TENM1: variants seen among roughly 807,000 people sequenced by gnomAD.
The protein encoded by TENM1 is teneurin transmembrane protein 1, also known as teneurin-1.
TENM1 carries 35 observed loss-of-function variants against 174.8 expected under a neutral mutation model. That is an observed-to-expected ratio of 0.20 (90% CI 0.15 to 0.27). TENM1 has a LOEUF of 0.27. Among genes scored for constraint, TENM1 ranks in the 10% least tolerant of loss-of-function variants. The pLI is 1.00. For missense variants in TENM1, 1,633 were observed against 2,130.1 expected (o/e 0.77, Z 4.59); for synonymous variants, 781 against 798.7 (o/e 0.98, Z 0.37).
intron 3 of TENM1, among the ~76,000 whole-genome samples, chrX:124,891,085 C>G (rs2057467754): frequency 9.1e-6 from 1 of 110,360 alleles, no homozygotes; most frequent in African/African-American, 3.3e-5. Context: ...TTTGTGGGAA[C>G]TAAAAATCAA....
chrX:124,524,099 C>T (rs978383893), intron 16 of TENM1, among the ~76,000 whole-genome samples: 51 of 110,535 alleles, frequency 4.6e-4, no homozygotes, highest in African/African-American at 1.6e-3. Flanking sequence ...TGTTCTTGAA[C>T]TCCTGACCTT....
In TENM1 at chrX:124,716,157, C is replaced by A. The variant is rs150267752; in HGVS notation, c.777-10906G>T. Among the ~76,000 whole-genome samples the A allele has an allele frequency of 7.4e-3, 825 of 112,058 alleles. 6 individuals carry two copies. The highest frequency in any genetic ancestry group is 0.025 in the African/African-American group (765 of 30,834). ...ATGCCACTCAAATCAGTCCCTTAAT[C>A]TATCCAGCATAACATTTTTCTTCTC... On this transcript the variant is annotated intron_variant, in intron 4 of 31. Coordinates refer to ENST00000422452, the Ensembl canonical transcript of TENM1.
intron 4 of TENM1, among the ~76,000 whole-genome samples, chrX:124,713,254 C>T (rs1161835897): frequency 2.7e-5 from 3 of 110,701 alleles, no homozygotes; most frequent in South Asian, 3.8e-4. Context: ...TCGTTACTAT[C>T]GTGATTTGCA....
the TENM1 span, among the ~76,000 whole-genome samples, chrX:125,150,799 T>A: frequency 8.9e-6 from 1 of 112,685 alleles, no homozygotes; most frequent in Non-Finnish European, 1.9e-5. Context: ...CAATAGATTT[T>A]AACCAGACAT....
At chrX:125,055,911 T>A in the TENM1 span, among the ~76,000 whole-genome samples, 26,914 of 111,021 alleles carry the variant, frequency 0.24, 2,622 homozygotes, top group Admixed American at 0.35. Flanking sequence ...TTATTAACAG[T>A]CCAAAACATT....
the TENM1 span, among the ~76,000 whole-genome samples, chrX:125,074,894 C>A: frequency 8.9e-6 from 1 of 112,013 alleles, no homozygotes; most frequent in African/African-American, 3.2e-5. Flanking sequence ...GGAGGCTTTT[C>A]CTGATTACTT....
chrX:124,700,576 T>C (rs2052752875), intron 5 of TENM1, among the ~76,000 whole-genome samples: 1 of 111,737 alleles, frequency 8.9e-6, no homozygotes, highest in South Asian at 3.7e-4. Flanking sequence ...TTAATGAAGT[T>C]GCTAGCACTA....
At chrX:124,402,093 G>C (rs1423969847) in intron 27 of TENM1, among the ~76,000 whole-genome samples, 1 of 112,118 alleles carries the variant, frequency 8.9e-6, no homozygotes, top group Non-Finnish European at 1.9e-5. Context: ...CTCTGGCTCT[G>C]ATCCTTAATA....
chrX:125,064,016 T>C, the TENM1 span, among the ~76,000 whole-genome samples: 1 of 110,922 alleles, frequency 9.0e-6, no homozygotes, highest in Non-Finnish European at 1.9e-5. Flanking sequence ...TGTAGGGGCA[T>C]GGATGAAGCT....
intron 1 of TENM1, among the ~76,000 whole-genome samples, chrX:124,921,953 T>A (rs773782661): frequency 8.9e-6 from 1 of 112,100 alleles, no homozygotes. Context: ...TTTAAGTCAA[T>A]CTGCCTTTCC....
chrX:124,950,920 T>C (rs1007635628), intron 1 of TENM1, among the ~76,000 whole-genome samples: 2 of 111,884 alleles, frequency 1.8e-5, no homozygotes, highest in Admixed American at 9.5e-5. Context: ...AAAGTCTGTT[T>C]AGTTTGTTAA....
chrX:124,510,873 T>C (rs1031107557), intron 18 of TENM1, among the ~76,000 whole-genome samples: 1 of 111,523 alleles, frequency 9.0e-6, no homozygotes, highest in Non-Finnish European at 1.9e-5. Context: ...ACTTCGGTTC[T>C]ATTATATTCC....
At chrX:125,154,762 C>T in the TENM1 span, among the ~76,000 whole-genome samples, 2 of 109,938 alleles carry the variant, frequency 1.8e-5, no homozygotes, top group Admixed American at 9.7e-5. Context: ...TTCGTGGTCT[C>T]GCTGGCTCAG....
chrX:124,975,654 T>C, the TENM1 span, among the ~76,000 whole-genome samples: 1 of 111,868 alleles, frequency 8.9e-6, no homozygotes, highest in Non-Finnish European at 1.9e-5. Context: ...TGCTTACTAC[T>C]GGAGACTCAT....
At chrX:125,028,643 T>C in the TENM1 span, among the ~76,000 whole-genome samples, 1 of 111,822 alleles carries the variant, frequency 8.9e-6, no homozygotes, top group Non-Finnish European at 1.9e-5. Flanking sequence ...ACTTTACCTA[T>C]GTAACAAACC....
intron 5 of TENM1, among the ~76,000 whole-genome samples, chrX:124,701,859 T>C (rs988842407): frequency 2.7e-5 from 3 of 112,073 alleles, no homozygotes; most frequent in African/African-American, 6.5e-5. Flanking sequence ...TGCTTTCCAA[T>C]GACCACTTAC....
intron 25 of TENM1, among the ~76,000 whole-genome samples, chrX:124,419,283 T>C (rs1157359397): frequency 8.9e-6 from 1 of 112,149 alleles, no homozygotes; most frequent in East Asian, 2.8e-4. Flanking sequence ...CAAGAGGCTT[T>C]CATGGGACTG....
At chrX:124,826,725 CT>C (rs2147313913) in intron 3 of TENM1, among the ~76,000 whole-genome samples, 1 of 111,734 alleles carries the variant, frequency 8.9e-6, no homozygotes, top group East Asian at 2.8e-4. Flanking sequence ...TTTTTCTGTA[CT>C]TTTGAAATGC....
At chrX:125,150,719 AG>A in the TENM1 span, among the ~76,000 whole-genome samples, 1 of 112,693 alleles carries the variant, frequency 8.9e-6, no homozygotes, top group Non-Finnish European at 1.9e-5. Context: ...AGAAGAGCAA[AG>A]CTGGTAACAT....
Sources: allele counts gnomAD v4.1 joint callset (sites outside exome capture counted in the v4.1 genomes callset), GRCh38; gene constraint gnomAD v4.1.1; transcripts MANE v1.5; gene names NCBI Gene and HGNC (gene_info 2026-07-23, HGNC 2026-07-21).